The following MCTP1 variants were observed in gnomAD, a reference collection of about 807,000 sequenced individuals.
MCTP1 encodes multiple C2 and transmembrane domain-containing protein 1.
MCTP1 carries 69 observed loss-of-function variants against 120.6 expected under a neutral mutation model. The ratio of observed to expected loss-of-function variants is 0.57; its 90% CI spans 0.47 to 0.70. The LOEUF is 0.70. Ranked by LOEUF, MCTP1 falls within the 30% of genes least tolerant of loss-of-function variation. MCTP1 has a pLI of 0.00. For missense variants in MCTP1, 1,203 were observed against 1,248.8 expected, an observed-to-expected ratio of 0.96 and a Z score of 0.55; for synonymous variants, 529 against 493.1, an observed-to-expected ratio of 1.07 and a Z score of -0.96.
intron 1 of MCTP1, among the ~76,000 whole-genome samples, chr5:95,173,157 C>T (rs1747550688): frequency 6.6e-6 from 1 of 152,106 alleles, no homozygotes; most frequent in Admixed American, 6.5e-5. Flanking sequence ...GTTACTAAAA[C>T]ATCTACTTTG....
At position 95,234,544 on chromosome 5, in the gene MCTP1, C is replaced by T. The variant is rs115249034; in HGVS notation, c.720+49312G>A. 7.1e-3 allele frequency among the ~76,000 whole-genome samples: 1,082 copies of T among 152,260 alleles called. 14 individuals carry two copies. Among genetic ancestry groups the T allele is most frequent in the African/African-American group, 0.023 (974 of 41,556 alleles). On this transcript the variant is annotated intron_variant, in intron 1 of 22. Coordinates refer to ENST00000515393, the MANE Select transcript of MCTP1 (RefSeq NM_024717.7). ...CAAGAAGAGGGAAAGACTGAGGAAA[C>T]GAGAACCAACGCAGTTATTGCTGTG...
At chr5:94,859,225 A>G (rs771052914) in intron 17 of MCTP1, among the ~76,000 whole-genome samples, 1 of 151,738 alleles carries the variant, frequency 6.6e-6, no homozygotes, top group Non-Finnish European at 1.5e-5. Flanking sequence ...TTAAAATACC[A>G]GCCTCTTGGT....
chr5:94,973,824 G>A (rs1827447367), intron 2 of MCTP1, among the ~76,000 whole-genome samples: 1 of 152,050 alleles, frequency 6.6e-6, no homozygotes, highest in South Asian at 2.1e-4. Context: ...GGTTTAGTGT[G>A]GTACAGGGTA....
intron 19 of MCTP1, among the ~76,000 whole-genome samples, chr5:94,742,202 A>T (rs1561556800): frequency 1.3e-5 from 2 of 152,162 alleles, no homozygotes; most frequent in African/African-American, 2.4e-5. Flanking sequence ...GTATGTTTTT[A>T]AATTTTTTTA....
chr5:95,192,915 G>T (rs759290869), intron 1 of MCTP1, among the ~76,000 whole-genome samples: 2 of 152,088 alleles, frequency 1.3e-5, no homozygotes, highest in Non-Finnish European at 2.9e-5. Context: ...TAAGATCTCT[G>T]ACAGTAAAGG....
At chr5:95,035,611 T>C (rs1023839581) in intron 1 of MCTP1, among the ~76,000 whole-genome samples, 3 of 152,158 alleles carry the variant, frequency 2.0e-5, no homozygotes, top group African/African-American at 4.8e-5. Context: ...AAACTACTTA[T>C]TGGGTACTAT....
At chr5:94,764,433 A>T (rs1772076877) in intron 19 of MCTP1, among the ~76,000 whole-genome samples, 1 of 152,156 alleles carries the variant, frequency 6.6e-6, no homozygotes, top group Non-Finnish European at 1.5e-5. Flanking sequence ...GTTTATTATG[A>T]ATCTAGATTA....
At chr5:94,954,775 A>G (rs533195067) in intron 2 of MCTP1, among the ~76,000 whole-genome samples, 1 of 152,196 alleles carries the variant, frequency 6.6e-6, no homozygotes, top group African/African-American at 2.4e-5. Context: ...AGTGGGCTTC[A>G]TTTCATCCTT....
intron 2 of MCTP1, among the ~76,000 whole-genome samples, chr5:95,012,271 A>T (rs774689067): frequency 6.6e-6 from 1 of 152,146 alleles, no homozygotes. Flanking sequence ...TATCTCCAAC[A>T]ATGAGAATCA....
intron 19 of MCTP1, among the ~76,000 whole-genome samples, chr5:94,752,174 T>G (rs1768624241): frequency 7.4e-6 from 1 of 135,074 alleles, no homozygotes; most frequent in South Asian, 2.4e-4. Flanking sequence ...GGTAGGTGAA[T>G]TATCTCACCC....
chr5:95,259,213 T>C (rs984850070), intron 1 of MCTP1, among the ~76,000 whole-genome samples: 2 of 152,118 alleles, frequency 1.3e-5, no homozygotes, highest in African/African-American at 4.8e-5. Context: ...CCTGCCAACA[T>C]TTCTGAATGG....
At chr5:94,930,267 A>ATTTTTTT (rs869306266) in intron 6 of MCTP1, among the ~76,000 whole-genome samples, 8 of 100,928 alleles carry the variant, frequency 7.9e-5, no homozygotes, top group South Asian at 3.6e-4. Flanking sequence ...TTAAAGAAGA[A>ATTTTTTT]TTTTTTTTTT....
intron 1 of MCTP1, among the ~76,000 whole-genome samples, chr5:95,077,434 C>G (rs754644750): frequency 6.6e-6 from 1 of 151,196 alleles, no homozygotes; most frequent in African/African-American, 2.4e-5. Context: ...ACACATTTAG[C>G]TTTTGAATCA....
chr5:94,825,954 A>T, intron 17 of MCTP1: 1 of 230,594 alleles, frequency 4.3e-6, no homozygotes, highest in South Asian at 7.8e-5. Context: ...ATGGTAGGCA[A>T]CTTAGATCAT....
At position 94,706,713 on chromosome 5, in the gene MCTP1, GCTAA is replaced by G. The variant is rs1001064863; in HGVS notation, c.*779_*782del. ...ACTGTACTTACTGGGTTGCTAATTT[GCTAA>G]CTAACTGTATAAATTAAAGTAGTGG... On this transcript the variant is annotated 3_prime_UTR_variant, in exon 23 of 23. Transcript: ENST00000515393. 7.3e-5 allele frequency: 11 copies of G among 151,592 alleles called. No homozygotes were observed. The highest frequency in any genetic ancestry group is 1.3e-4 in the Admixed American group (2 of 15,176). 9.4% of individuals were successfully genotyped at this position (151,592 alleles called of 1,614,324 possible).
intron 1 of MCTP1, among the ~76,000 whole-genome samples, chr5:95,211,317 A>C (rs1375763906): frequency 6.6e-6 from 1 of 152,206 alleles, no homozygotes; most frequent in African/African-American, 2.4e-5. Context: ...TACACCAATC[A>C]GACGTAGATT....
chr5:94,825,953 A>G, intron 17 of MCTP1: 1 of 224,900 alleles, frequency 4.4e-6, no homozygotes, highest in Admixed American at 4.3e-5. Flanking sequence ...CATGGTAGGC[A>G]ACTTAGATCA....
Position 94,868,397 on chromosome 5 carries a change from G to A in MCTP1, c.2372C>T (p.Ala791Val). The change falls in exon 17 of 23, where the codon GCT (alanine) becomes GTT (valine). Residue 791 changes from alanine (A) to valine (V), a missense_variant. Coordinates refer to ENST00000515393, the MANE Select transcript of MCTP1 (RefSeq NM_024717.7). ...AAAGCAACTATTAACGTAGTATGCA[G>A]CATTTACCAGCACCATGACACAACG... Reference protein sequence around the residue: ...MKRCVMVLVNAAYYVNSCFDW... With the variant: ...MKRCVMVLVNVAYYVNSCFDW... The A allele has an allele frequency of 6.2e-7, 1 of 1,608,724 alleles. No individual in the cohort carries two copies. Among genetic ancestry groups the A allele is most frequent in the Non-Finnish European group, 8.5e-7 (1 of 1,177,336 alleles).
At chr5:94,913,846 T>G (rs765720005) in intron 8 of MCTP1, among the ~76,000 whole-genome samples, 5 of 151,914 alleles carry the variant, frequency 3.3e-5, no homozygotes, top group Non-Finnish European at 5.9e-5. Context: ...CATGCACCAC[T>G]GCACCCAGCT....
Sources: gnomAD v4.1 joint callset for allele counts (sites outside exome capture counted in the v4.1 genomes callset) on GRCh38, gnomAD v4.1.1 for gene constraint, MANE v1.5 for transcripts, NCBI Gene and HGNC (gene_info 2026-07-23, HGNC 2026-07-21) for gene names.